TGFBR3: variants seen among roughly 807,000 people sequenced by gnomAD.
TGFBR3 encodes the protein transforming growth factor beta receptor 3, also known as transforming growth factor beta receptor type 3.
TGFBR3 carries 46 observed loss-of-function variants against 87.9 expected under a neutral mutation model. The ratio of observed to expected loss-of-function variants is 0.52; its 90% confidence interval spans 0.41 to 0.67. The LOEUF (loss-of-function observed/expected upper bound fraction) is 0.67, where lower values mean the gene tolerates loss of function less well. Ranked by LOEUF, TGFBR3 falls within the 30% of genes least tolerant of loss-of-function variation. The pLI is 0.00. For synonymous variants in TGFBR3, 381 were observed against 391.6 expected (o/e 0.97, Z 0.32); for missense variants, 866 against 1,041.9 (o/e 0.83, Z 2.32).
chr1:91,819,465 C>A (rs936161730), intron 2 of TGFBR3, among the ~76,000 whole-genome samples: 14 of 152,142 alleles, frequency 9.2e-5, no homozygotes, highest in Admixed American at 3.3e-4. Context: ...AAAAATAACC[C>A]TTTGACCCAC....
intron 2 of TGFBR3, among the ~76,000 whole-genome samples, chr1:91,898,446 G>GTT (rs143942076): frequency 6.6e-6 from 1 of 151,530 alleles, no homozygotes; most frequent in Non-Finnish European, 1.5e-5. Flanking sequence ...TGGTTTTTCT[G>GTT]TTTTTTTTGA....
At chr1:91,800,531 A>G (rs1176134205) in intron 2 of TGFBR3, among the ~76,000 whole-genome samples, 1 of 151,482 alleles carries the variant, frequency 6.6e-6, no homozygotes, top group Non-Finnish European at 1.5e-5. Context: ...ATAAAAATAC[A>G]GAGACTTACT....
chr1:91,700,331 A>G (rs1302801086), intron 14 of TGFBR3, among the ~76,000 whole-genome samples: 1 of 152,244 alleles, frequency 6.6e-6, no homozygotes, highest in Non-Finnish European at 1.5e-5. Context: ...AAGCAAAAAG[A>G]ACTTGGGAAA....
At chr1:91,717,169 T>G (rs1305889958) in intron 10 of TGFBR3, among the ~76,000 whole-genome samples, 2 of 151,984 alleles carry the variant, frequency 1.3e-5, no homozygotes, top group Non-Finnish European at 2.9e-5. Context: ...CCTTTAAGAG[T>G]TGTAGAAAGT....
chr1:91,716,563 C>T lies in TGFBR3; in HGVS notation c.1707+5G>A, dbSNP rs1243572067. ...ACAAACCCCCTACTGATAACAAACACATACCACCACGATTTCAGGTCGGGT... is the reference window on the plus strand; with the variant it reads ...ACAAACCCCCTACTGATAACAAACATATACCACCACGATTTCAGGTCGGGT... On this transcript the variant is annotated splice_donor_5th_base_variant and intron_variant, in intron 11 of 16. Coordinates refer to ENST00000212355, the MANE Select transcript of TGFBR3 (RefSeq NM_003243.5). The T allele has an allele frequency of 6.2e-7, 1 of 1,613,984 alleles. No individual in the cohort carries two copies. Among genetic ancestry groups the T allele is most frequent in the East Asian group, 2.2e-5 (1 of 44,892 alleles).
intron 2 of TGFBR3, among the ~76,000 whole-genome samples, chr1:91,827,087 C>T (rs1676670636): frequency 6.6e-6 from 1 of 152,076 alleles, no homozygotes; most frequent in Non-Finnish European, 1.5e-5. Flanking sequence ...ACTTTCTGTC[C>T]CTTGCCCTCT....
intron 2 of TGFBR3, among the ~76,000 whole-genome samples, chr1:91,853,500 A>G (rs1677821963): frequency 6.6e-6 from 1 of 152,176 alleles, no homozygotes; most frequent in Non-Finnish European, 1.5e-5. Context: ...GTTAACTCAC[A>G]TCCAAGATTT....
Position 91,779,123 on chromosome 1 carries a change from T to C in TGFBR3, c.246+18164A>G, listed in dbSNP as rs148470518. On this transcript the variant is annotated intron_variant, in intron 3 of 16. Transcript: ENST00000212355. ...CTCTGGTGGGGATTGCGCATTTTCATTGAAATGTAAAAAACCATGGCAGGA... is the reference window on the plus strand; with the variant it reads ...CTCTGGTGGGGATTGCGCATTTTCACTGAAATGTAAAAAACCATGGCAGGA... Among the ~76,000 whole-genome samples, 221 of 152,234 alleles carry C rather than the reference T, an allele frequency of 1.5e-3. 1 individual carries two copies. Among genetic ancestry groups the C allele is most frequent in the African/African-American group, 5.1e-3 (213 of 41,518 alleles).
intron 4 of TGFBR3, among the ~76,000 whole-genome samples, chr1:91,746,507 T>G (rs1232978552): frequency 2.0e-5 from 3 of 152,142 alleles, no homozygotes; most frequent in Non-Finnish European, 4.4e-5. Context: ...AATGATGTTT[T>G]TCACGAAAAA....
At chr1:91,781,627 C>A (rs776244425) in intron 3 of TGFBR3, among the ~76,000 whole-genome samples, 1 of 151,920 alleles carries the variant, frequency 6.6e-6, no homozygotes, top group Non-Finnish European at 1.5e-5. Flanking sequence ...TAGCACCAAG[C>A]CAGAGAAAGT....
chr1:91,789,697 A>G (rs978206028), intron 3 of TGFBR3, among the ~76,000 whole-genome samples: 4 of 152,210 alleles, frequency 2.6e-5, no homozygotes, highest in Admixed American at 6.5e-5. Flanking sequence ...TTGGAGAGTT[A>G]GCTGGAATTT....
At chr1:91,886,673 C>G (rs963945231), upstream of TGFBR3, among the ~76,000 whole-genome samples, 1 of 152,198 alleles carries the variant, frequency 6.6e-6, no homozygotes, top group African/African-American at 2.4e-5. Flanking sequence ...TGCACACATT[C>G]ATTCTGTCCC....
chr1:91,887,058 T>C (rs930449568), upstream of TGFBR3, among the ~76,000 whole-genome samples: 1 of 152,008 alleles, frequency 6.6e-6, no homozygotes, highest in Non-Finnish European at 1.5e-5. Context: ...GACATTGTTT[T>C]ACAAACAGGC....
chr1:91,797,586 T>C, intron 2 of TGFBR3, 115 bp from the exon 3 acceptor site: 2 of 1,164,434 alleles, frequency 1.7e-6, no homozygotes, highest in Non-Finnish European at 2.5e-6. Flanking sequence ...CCAGGTAAAC[T>C]GTTCCAAGAC....
intron 4 of TGFBR3, among the ~76,000 whole-genome samples, chr1:91,753,239 A>T (rs894983206): frequency 6.6e-6 from 1 of 150,994 alleles, no homozygotes; most frequent in African/African-American, 2.4e-5. Context: ...TACCAAAAAA[A>T]ATCAGCTGGT....
At position 91,827,558 on chromosome 1, in the gene TGFBR3, G is replaced by A. The variant is rs550601727; in HGVS notation, c.62-30087C>T. Among the ~76,000 whole-genome samples the A allele has an allele frequency of 3.9e-5, 6 of 152,282 alleles. No individual in the cohort carries two copies. In the South Asian group the frequency reaches 6.2e-4, roughly 16 times the overall value. On this transcript the variant is annotated intron_variant, in intron 2 of 16. Coordinates refer to ENST00000212355, the MANE Select transcript of TGFBR3 (RefSeq NM_003243.5). Reference sequence around the variant, plus strand: ...GTGACAGCCCCAAAGGATGAGCAGGGAGAGACAGGCCCCCATTATCCTCCA... The same window carrying A: ...GTGACAGCCCCAAAGGATGAGCAGGAAGAGACAGGCCCCCATTATCCTCCA...
intron 4 of TGFBR3, among the ~76,000 whole-genome samples, chr1:91,756,079 C>G (rs1313929923): frequency 4.6e-5 from 7 of 152,306 alleles, no homozygotes; most frequent in Non-Finnish European, 1.0e-4. Flanking sequence ...TGCCCAAGGT[C>G]ACTGCTTGGA....
At position 91,681,352 on chromosome 1, in the gene TGFBR3, A is replaced by G; in HGVS notation, c.*2387T>C. On this transcript the variant is annotated 3_prime_UTR_variant, in exon 17 of 17. Coordinates refer to ENST00000212355, the MANE Select transcript of TGFBR3 (RefSeq NM_003243.5). The stretch of plus-strand genomic sequence containing the variant: ...ACACAGATTTCTTGATCTGAATAAT[A>G]ATTCTGACAATGAGACCCAAACAAA... 2.3e-6 allele frequency: 1 copy of G among 442,102 alleles called. No homozygotes were observed. Among genetic ancestry groups the G allele is most frequent in the Non-Finnish European group, 4.5e-6 (1 of 223,526 alleles). 27.4% of individuals were successfully genotyped at this position (442,102 alleles called of 1,614,324 possible). A position where few individuals can be genotyped will look rare whatever the true frequency, so the allele number is the denominator to read the frequency against.
chr1:91,800,239 A>AT (rs1405419056), intron 2 of TGFBR3, among the ~76,000 whole-genome samples: 14 of 128,942 alleles, frequency 1.1e-4, no homozygotes, highest in African/African-American at 2.8e-4. Context: ...AAAAAAAAAA[A>AT]AAATATATAT....
Sources: allele counts gnomAD v4.1 joint callset (sites outside exome capture counted in the v4.1 genomes callset), GRCh38; gene constraint gnomAD v4.1.1; transcripts MANE v1.5; gene names NCBI Gene and HGNC (gene_info 2026-07-23, HGNC 2026-07-21).